DNAL1: variants seen among roughly 807,000 people sequenced by gnomAD.
DNAL1 encodes the protein chromosome 14 open reading frame 168.
In DNAL1, 17 loss-of-function variants were observed where a neutral mutation model predicts 29.4. The observed-to-expected ratio is 0.58, with a 90% CI of 0.40 to 0.87. The LOEUF is 0.87. Among genes scored for constraint, DNAL1 ranks in the 40% least tolerant of loss-of-function variants. The probability of loss-of-function intolerance (pLI) is 0.00; values close to 1 mark genes in which losing one functional copy is unlikely to be tolerated. For synonymous variants in DNAL1, 78 were observed against 76.3 expected, an observed-to-expected ratio of 1.02 and a Z score of -0.12; for missense variants, 188 against 214.1, an observed-to-expected ratio of 0.88 and a Z score of 0.76.
At position 73,661,511 on chromosome 14, in the gene DNAL1, G is replaced by A. The variant is rs534234130; in HGVS notation, c.153-476G>A. Among the ~76,000 whole-genome samples the A allele has an allele frequency of 3.9e-5, 6 of 152,312 alleles. No homozygotes were observed. In the East Asian group the frequency reaches 5.8e-4, roughly 15 times the overall value. ...TCTAATCCCAGCACTTTGGGAGGCC[G>A]AAGCAAGTGGATCACTTGAGGTCAG... On this transcript the variant is annotated intron_variant, in intron 3 of 7. Coordinates refer to ENST00000553645, the MANE Select transcript of DNAL1 (RefSeq NM_031427.4).
At chr14:73,691,942 C>A (rs979570342) in intron 7 of DNAL1, among the ~76,000 whole-genome samples, 1 of 150,732 alleles carries the variant, frequency 6.6e-6, no homozygotes, top group African/African-American at 2.5e-5. Context: ...GTGATCCGCC[C>A]GCCTTGGCCT....
chr14:73,687,787 G>A (rs1048698395), intron 6 of DNAL1, among the ~76,000 whole-genome samples: 2 of 152,052 alleles, frequency 1.3e-5, no homozygotes, highest in Non-Finnish European at 2.9e-5. Flanking sequence ...GCAGGAAAAT[G>A]GCGTGAACCC....
intron 7 of DNAL1, among the ~76,000 whole-genome samples, chr14:73,694,300 G>C (rs12433462): frequency 0.23 from 34,130 of 146,800 alleles, 5,017 homozygotes; most frequent in Non-Finnish European, 0.34. Flanking sequence ...AGTCTTCAGA[G>C]AAGAGAAGAG....
At chr14:73,654,134 A>G (rs571758343) in intron 1 of DNAL1, among the ~76,000 whole-genome samples, 2 of 152,326 alleles carry the variant, frequency 1.3e-5, no homozygotes, top group South Asian at 4.1e-4. Context: ...TACCCACAGC[A>G]GTTGTAAATT....
chr14:73,702,138 G>GT lies in DNAL1; in HGVS notation c.*6202dup, dbSNP rs2140073362. 1 of 151,502 alleles carries GT rather than the reference G, an allele frequency of 6.6e-6. No individual in the cohort carries two copies. Among genetic ancestry groups the GT allele is most frequent in the Admixed American group, 6.6e-5 (1 of 15,132 alleles). The allele number at this position is 151,502 out of a possible 1,614,324, so 9.4% of individuals were successfully genotyped here. ...ATGAGAGAGAGTGAAAGAGAGAGGTGTTTTTTGTTTTGTTTTTTTTGAGAC... is the reference window on the plus strand; with the variant it reads ...ATGAGAGAGAGTGAAAGAGAGAGGTGTTTTTTTGTTTTGTTTTTTTTGAGAC... On this transcript the variant is annotated 3_prime_UTR_variant, in exon 8 of 8. Transcript: ENST00000553645.
chr14:73,649,771 A>T (rs1891071790), intron 1 of DNAL1, among the ~76,000 whole-genome samples: 1 of 152,032 alleles, frequency 6.6e-6, no homozygotes, highest in Admixed American at 6.6e-5. Context: ...TTCTTATTGT[A>T]TGCAGTTCTC....
chr14:73,646,661 C>A (rs540602798), intron 1 of DNAL1, among the ~76,000 whole-genome samples: 5 of 152,274 alleles, frequency 3.3e-5, no homozygotes, highest in African/African-American at 1.2e-4. Flanking sequence ...ACTCAGGAGG[C>A]TGAGGCATGA....
chr14:73,661,668 C>G (rs113064072), intron 3 of DNAL1, among the ~76,000 whole-genome samples: 4,869 of 151,998 alleles, frequency 0.032, 133 homozygotes, highest in South Asian at 0.11. Flanking sequence ...TTGCTTGAAC[C>G]GGGGAGGTGG....
chr14:73,686,261 A>C (rs981882604), intron 5 of DNAL1, among the ~76,000 whole-genome samples: 2 of 152,138 alleles, frequency 1.3e-5, no homozygotes, highest in African/African-American at 4.8e-5. Flanking sequence ...CTGTTCAGTT[A>C]TTGTCCAATT....
intron 5 of DNAL1, among the ~76,000 whole-genome samples, chr14:73,683,244 C>T (rs1160977252): frequency 6.6e-6 from 1 of 152,144 alleles, no homozygotes; most frequent in Non-Finnish European, 1.5e-5. Flanking sequence ...ATAGTAAACA[C>T]ATAAACCAGT....
At chr14:73,658,095 G>C (rs943117889) in intron 2 of DNAL1, among the ~76,000 whole-genome samples, 2 of 152,118 alleles carry the variant, frequency 1.3e-5, no homozygotes, top group Non-Finnish European at 2.9e-5. Flanking sequence ...TGAGAGAAAG[G>C]GGTCCAGTTT....
chr14:73,689,070 G>C lies in DNAL1; in HGVS notation c.392-305G>C, dbSNP rs553673581. 2.5e-3 allele frequency among the ~76,000 whole-genome samples: 292 copies of C among 116,404 alleles called. 2 individuals carry two copies. The highest frequency in any genetic ancestry group is 0.011 in the Middle Eastern group (1 of 94). The allele number at this position is 116,404 out of a possible 152,430, so 76.4% of individuals were successfully genotyped here. On this transcript the variant is annotated intron_variant, in intron 6 of 7. Transcript: ENST00000553645. ...TTTTTTTGAGACAGAGTCGTGCTCT[G>C]TCGCTCAGTCTGGAGTGCATTGGTG...
At chr14:73,645,783 T>C (rs1349370237) in intron 1 of DNAL1, among the ~76,000 whole-genome samples, 1 of 152,226 alleles carries the variant, frequency 6.6e-6, no homozygotes, top group Non-Finnish European at 1.5e-5. Context: ...GTAATGGTTT[T>C]ACCTAGAGAT....
At chr14:73,682,760 G>A (rs1891918614) in intron 5 of DNAL1, among the ~76,000 whole-genome samples, 1 of 151,714 alleles carries the variant, frequency 6.6e-6, no homozygotes, top group Non-Finnish European at 1.5e-5. Context: ...TTGTCCCACT[G>A]GAAAGTCTTC....
intron 5 of DNAL1, 61 bp downstream of exon 5, chr14:73,671,658 T>C: frequency 7.5e-7 from 1 of 1,336,804 alleles, no homozygotes; most frequent in African/African-American, 1.5e-5. Flanking sequence ...GAATAATTTC[T>C]TGGATAAATT....
chr14:73,655,960 A>G (rs984568329), intron 2 of DNAL1, among the ~76,000 whole-genome samples: 3 of 152,238 alleles, frequency 2.0e-5, no homozygotes, highest in Non-Finnish European at 4.4e-5. Flanking sequence ...CAGAATTTCT[A>G]TAGAGTACAA....
intron 1 of DNAL1, among the ~76,000 whole-genome samples, chr14:73,653,379 G>A (rs1030943485): frequency 2.0e-5 from 3 of 151,968 alleles, no homozygotes; most frequent in Non-Finnish European, 2.9e-5. Context: ...TTAGAGACAG[G>A]CTTGCCCTGT....
chr14:73,654,915 A>C (rs1275922308), intron 2 of DNAL1, 30 bp downstream of exon 2: 1 of 1,539,256 alleles, frequency 6.5e-7, no homozygotes, highest in Non-Finnish European at 8.7e-7. Context: ...CTTCTTTTAG[A>C]AACTGTACAA....
chr14:73,687,975 C>G (rs568643917), intron 6 of DNAL1, among the ~76,000 whole-genome samples: 3 of 151,268 alleles, frequency 2.0e-5, no homozygotes, highest in East Asian at 3.9e-4. Context: ...TGCCCTAAAA[C>G]TTAAAGTATA....
Sources: allele counts gnomAD v4.1 joint callset (sites outside exome capture counted in the v4.1 genomes callset), GRCh38; gene constraint gnomAD v4.1.1; transcripts MANE v1.5; gene names NCBI Gene and HGNC (gene_info 2026-07-23, HGNC 2026-07-21).